VPS8: variants seen among roughly 807,000 people sequenced by gnomAD.
The protein encoded by VPS8 is VPS8 subunit of CORVET complex.
VPS8 carries 129 observed loss-of-function variants against 216.4 expected under a neutral mutation model. The ratio of observed to expected loss-of-function variants is 0.60; its 90% CI spans 0.52 to 0.69. The LOEUF (loss-of-function observed/expected upper bound fraction) is 0.69. Ranked by LOEUF, VPS8 falls within the 30% of genes least tolerant of loss-of-function variation. VPS8 has a pLI of 0.00. For missense variants in VPS8, 1,531 were observed against 1,683.5 expected, an observed-to-expected ratio of 0.91 and a Z score of 1.59; for synonymous variants, 571 against 565.4, an observed-to-expected ratio of 1.01 and a Z score of -0.14.
intron 36 of VPS8, among the ~76,000 whole-genome samples, chr3:184,944,041 GCACA>G (rs57639626): frequency 6.0e-5 from 9 of 149,910 alleles, no homozygotes; most frequent in East Asian, 3.9e-4. Context: ...GGCAGAGGTT[GCACA>G]CACACACACA....
chr3:185,015,276 G>C (rs1056997605), intron 45 of VPS8, among the ~76,000 whole-genome samples: 3 of 152,208 alleles, frequency 2.0e-5, no homozygotes, highest in Admixed American at 2.0e-4. Flanking sequence ...AGAAAGAGGT[G>C]TATGAGCCCT....
intron 40 of VPS8, among the ~76,000 whole-genome samples, chr3:184,981,428 CTTT>C (rs67454758): frequency 5.8e-5 from 4 of 68,510 alleles, no homozygotes; most frequent in African/African-American, 9.9e-5. Flanking sequence ...GCAGTGGGTT[CTTT>C]TTTTTTTTTT....
intron 2 of VPS8, 68 bp downstream of exon 2, chr3:184,824,853 C>A: frequency 6.9e-7 from 1 of 1,448,734 alleles, no homozygotes; most frequent in Non-Finnish European, 9.4e-7. Context: ...CTTTGTGACC[C>A]AGAGACTCTA....
chr3:184,877,084 T>G (rs531019231), intron 21 of VPS8, among the ~76,000 whole-genome samples: 109 of 152,356 alleles, frequency 7.2e-4, no homozygotes, highest in African/African-American at 2.5e-3. Flanking sequence ...AACATCCCTG[T>G]TCTCTCTTTA....
At position 184,868,994 on chromosome 3, in the gene VPS8, C is replaced by G. The variant is rs1231392908; in HGVS notation, c.1555C>G (p.Leu519Val). 5 of 1,610,436 alleles carry G rather than the reference C, an allele frequency of 3.1e-6. No individual in the cohort carries two copies. Among genetic ancestry groups the G allele is most frequent in the South Asian group, 1.1e-5 (1 of 89,968 alleles). ...AGATTGTCTTACAGAAGCGTTGGCT[C>G]TTGCGTGGTCTTTCCATGAAGGAAA... ...KQDCLTEALA[L>V]AWSFHEGKAK... Residue 519 changes from leucine (L) to valine (V), a missense_variant, in exon 19 of 48, where the codon CTT (leucine) becomes GTT (valine). This residue lies in a region of VPS8 where 1,318 missense variants were observed against 1,468.4 expected (regional missense o/e 0.90). Coordinates refer to ENST00000625842, the MANE Select transcript of VPS8 (RefSeq NM_001009921.3).
intron 21 of VPS8, among the ~76,000 whole-genome samples, chr3:184,877,658 A>G (rs1355373529): frequency 6.6e-6 from 1 of 152,180 alleles, no homozygotes; most frequent in African/African-American, 2.4e-5. Context: ...GAACCGGTGA[A>G]TAGAACCACC....
chr3:184,903,323 AAAG>A (rs1028356085), intron 25 of VPS8, among the ~76,000 whole-genome samples: 3 of 152,196 alleles, frequency 2.0e-5, no homozygotes, highest in African/African-American at 7.2e-5. Context: ...TTTTTTTAAA[AAAG>A]CTCATTTGAT....
At chr3:184,920,316 A>AT (rs1468493251) in intron 29 of VPS8, 118 bp downstream of exon 29, 1 of 655,094 alleles carries the variant, frequency 1.5e-6, no homozygotes, top group African/African-American at 1.9e-5. Flanking sequence ...ATATCGTAAA[A>AT]TTTTATTACG....
intron 40 of VPS8, among the ~76,000 whole-genome samples, chr3:184,974,397 T>C (rs1341908870): frequency 2.0e-5 from 3 of 152,152 alleles, no homozygotes; most frequent in Non-Finnish European, 2.9e-5. Context: ...CACTTTTTAA[T>C]TGGATTATTT....
In VPS8 at chr3:184,869,812, C is replaced by T. The variant is rs184947571; in HGVS notation, c.1644+284C>T. ...GGCGAGGCCAGAGGATCACTTGAGC[C>T]TAGGAGTTTGAGGCTACAGTGAGCT... On this transcript the variant is annotated intron_variant, in intron 20 of 47. Transcript: ENST00000625842. Among the ~76,000 whole-genome samples, 24 of 152,214 alleles carry T rather than the reference C, an allele frequency of 1.6e-4. No homozygotes were observed. The East Asian group carries it at 4.4e-3, about 28-fold the overall frequency.
chr3:185,026,630 C>G (rs770376670), intron 46 of VPS8, among the ~76,000 whole-genome samples: 1 of 150,678 alleles, frequency 6.6e-6, no homozygotes, highest in Non-Finnish European at 1.5e-5. Flanking sequence ...CAGCTGGTCT[C>G]GAACTCCTGA....
intron 8 of VPS8, among the ~76,000 whole-genome samples, chr3:184,843,934 A>G (rs961366791): frequency 2.6e-5 from 4 of 152,190 alleles, no homozygotes; most frequent in East Asian, 1.9e-4. Context: ...AAAATATCCA[A>G]CTAGCAATGG....
intron 30 of VPS8, among the ~76,000 whole-genome samples, 188 bp from the exon 31 acceptor site, chr3:184,926,406 T>A (rs563193586): frequency 1.4e-5 from 2 of 146,330 alleles, no homozygotes; most frequent in African/African-American, 5.5e-5. Flanking sequence ...AAATAAATAG[T>A]TAGCACACCT....
At position 184,900,293 on chromosome 3, in the gene VPS8, C is replaced by G. The variant is rs769106823; in HGVS notation, c.2095-628C>G. 5.7e-4 allele frequency among the ~76,000 whole-genome samples: 87 copies of G among 152,194 alleles called. 1 individual carries two copies. The highest frequency in any genetic ancestry group is 7.2e-4 in the Non-Finnish European group (49 of 68,042). ...ACGTGCAGGAACACTCAGTAATAAG[C>G]ATCTCTGCTGAGTAGCCAGAGGTAG... On this transcript the variant is annotated intron_variant, in intron 24 of 47. Transcript: ENST00000625842.
intron 46 of VPS8, among the ~76,000 whole-genome samples, chr3:185,026,996 ACCACGCCCAGCCAGCTATATTTC>A: frequency 6.6e-6 from 1 of 152,160 alleles, no homozygotes; most frequent in South Asian, 2.1e-4. Flanking sequence ...GGCGTGAGCC[ACCACGCCCAGCCAGCTATATTTC>A]CTTACACTAT....
intron 25 of VPS8, among the ~76,000 whole-genome samples, chr3:184,907,428 T>C (rs1286021177): frequency 6.6e-6 from 1 of 152,218 alleles, no homozygotes; most frequent in East Asian, 1.9e-4. Context: ...TGTAGCTTCT[T>C]ATCTTTGTAG....
At chr3:184,969,551 C>G (rs1456369235) in intron 39 of VPS8, among the ~76,000 whole-genome samples, 1 of 149,740 alleles carries the variant, frequency 6.7e-6, no homozygotes, top group Admixed American at 6.7e-5. Flanking sequence ...TGCCTCAGCT[C>G]CTTGGGTAGC....
intron 37 of VPS8, among the ~76,000 whole-genome samples, 168 bp downstream of exon 37, chr3:184,957,689 CAG>C (rs1053878492): frequency 2.0e-5 from 3 of 152,152 alleles, no homozygotes; most frequent in African/African-American, 7.2e-5. Flanking sequence ...AAAAGAAAAA[CAG>C]AGGTTTATTG....
At position 184,853,463 on chromosome 3, in the gene VPS8, G is replaced by A. The variant is rs368258836; in HGVS notation, c.822-394G>A. Among the ~76,000 whole-genome samples the A allele has an allele frequency of 1.2e-4, 18 of 152,300 alleles. No homozygotes were observed. In the East Asian group the frequency reaches 3.3e-3, roughly 28 times the overall value. ...CACAGATCTGAGGAAAATATTCCAG[G>A]CAGAGACCATTCAGACACAAAGACT... is the stretch of plus-strand genomic sequence containing the variant. On this transcript the variant is annotated intron_variant, in intron 11 of 47. Transcript: ENST00000625842.
Sources: gnomAD v4.1 joint callset for allele counts (sites outside exome capture counted in the v4.1 genomes callset) on GRCh38, gnomAD v4.1.1 for gene constraint, gnomAD v4.1.1 regional missense constraint, MANE v1.5 for transcripts, NCBI Gene and HGNC (gene_info 2026-07-23, HGNC 2026-07-21) for gene names.